KIAA0825: variants seen among roughly 807,000 people sequenced by gnomAD.
KIAA0825 encodes the protein KIAA0825, also known as uncharacterized protein KIAA0825.
Under a neutral mutation model 147.6 loss-of-function variants are expected in KIAA0825, and 119 were observed. The observed-to-expected ratio is 0.81, with a 90% CI of 0.69 to 0.94. KIAA0825 has a LOEUF of 0.94. Among genes scored for constraint, KIAA0825 ranks in the 40% least tolerant of loss-of-function variants. KIAA0825 has a pLI of 0.00. For missense variants in KIAA0825, 1,381 were observed against 1,472.7 expected (o/e 0.94, Z 1.02); for synonymous variants, 470 against 518.1 (o/e 0.91, Z 1.26).
At chr5:94,158,332 T>C (rs754359411) in intron 20 of KIAA0825, among the ~76,000 whole-genome samples, 2 of 152,186 alleles carry the variant, frequency 1.3e-5, no homozygotes, top group Non-Finnish European at 2.9e-5. Flanking sequence ...TTGGACTTTT[T>C]TTGGAGGAAG....
intron 14 of KIAA0825, among the ~76,000 whole-genome samples, chr5:94,431,458 C>A (rs1036502065): frequency 2.6e-5 from 4 of 152,146 alleles, no homozygotes; most frequent in African/African-American, 9.7e-5. Flanking sequence ...CTATCCCTCC[C>A]CTCCTAAAAC....
chr5:94,348,271 T>A (rs1296226235), intron 20 of KIAA0825, among the ~76,000 whole-genome samples: 1 of 151,952 alleles, frequency 6.6e-6, no homozygotes, highest in East Asian at 1.9e-4. Context: ...AACCTAGACA[T>A]CCAAATACAA....
chr5:94,483,376 G>A (rs1338803165), intron 6 of KIAA0825, among the ~76,000 whole-genome samples: 1 of 151,958 alleles, frequency 6.6e-6, no homozygotes, highest in East Asian at 1.9e-4. Context: ...AGATGTAGAT[G>A]AGAGATGACA....
At chr5:94,386,201 G>GA in intron 19 of KIAA0825, 41 bp downstream of exon 19, 2 of 1,510,842 alleles carry the variant, frequency 1.3e-6, no homozygotes, top group Non-Finnish European at 1.8e-6. Context: ...CTTGGGTAAA[G>GA]AAACCACACA....
At chr5:94,497,391 G>A (rs1764509038) in intron 5 of KIAA0825, among the ~76,000 whole-genome samples, 1 of 152,100 alleles carries the variant, frequency 6.6e-6, no homozygotes, top group African/African-American at 2.4e-5. Flanking sequence ...GTTAATGACA[G>A]AAAATAATTA....
intron 5 of KIAA0825, among the ~76,000 whole-genome samples, chr5:94,486,016 T>C (rs1033010810): frequency 2.6e-5 from 4 of 151,882 alleles, no homozygotes; most frequent in Non-Finnish European, 5.9e-5. Context: ...ATAAAATCCC[T>C]TTATACTCTT....
chr5:94,359,341 T>C (rs549148448), intron 20 of KIAA0825, among the ~76,000 whole-genome samples: 4 of 152,336 alleles, frequency 2.6e-5, no homozygotes, highest in African/African-American at 9.6e-5. Flanking sequence ...CTCATGTTTA[T>C]TTTGCTGACC....
At chr5:94,255,924 G>C (rs541451805) in intron 20 of KIAA0825, among the ~76,000 whole-genome samples, 3 of 151,602 alleles carry the variant, frequency 2.0e-5, no homozygotes, top group East Asian at 3.9e-4. Flanking sequence ...ATCTTACCTA[G>C]GCTTGTCTTG....
intron 12 of KIAA0825, among the ~76,000 whole-genome samples, chr5:94,458,091 T>C (rs1056914526): frequency 3.3e-5 from 5 of 152,144 alleles, no homozygotes; most frequent in Admixed American, 6.5e-5. Flanking sequence ...GGCCCTAGAA[T>C]CACAGACAAC....
intron 7 of KIAA0825, among the ~76,000 whole-genome samples, chr5:94,476,412 C>T (rs886149044): frequency 2.6e-5 from 4 of 152,090 alleles, no homozygotes; most frequent in Non-Finnish European, 4.4e-5. Flanking sequence ...CCTGGGGCTA[C>T]CAGTCGAAGC....
At chr5:94,243,179 G>T (rs1026493094) in intron 20 of KIAA0825, among the ~76,000 whole-genome samples, 1 of 152,156 alleles carries the variant, frequency 6.6e-6, no homozygotes, top group African/African-American at 2.4e-5. Flanking sequence ...AATGCCTGGC[G>T]CACAGTGAAT....
chr5:94,530,464 TA>T (rs1409094655), intron 3 of KIAA0825, among the ~76,000 whole-genome samples: 3 of 151,908 alleles, frequency 2.0e-5, no homozygotes, highest in Admixed American at 6.6e-5. Context: ...GAAAAGTCCT[TA>T]AAGTAGAAAA....
rs11956894 is a variant in KIAA0825, at chr5:94,551,797, G to A, written c.-1-14670C>T. 5.6e-3 allele frequency among the ~76,000 whole-genome samples: 847 copies of A among 151,560 alleles called. 1 individual carries two copies. The highest frequency in any genetic ancestry group is 0.01 in the Admixed American group (157 of 15,248). On this transcript the variant is annotated intron_variant, in intron 2 of 20. Transcript: ENST00000682413. ...GAACTCACTGGTAGAAAAGGAGAAA[G>A]AAAAAGGAATCAAACTTTAACACTA...
At chr5:94,252,060 A>G (rs1775990471) in intron 20 of KIAA0825, among the ~76,000 whole-genome samples, 1 of 152,076 alleles carries the variant, frequency 6.6e-6, no homozygotes, top group Admixed American at 6.6e-5. Context: ...TTCACACAAC[A>G]TAGTATAATG....
At chr5:94,383,034 A>G (rs1302481430) in intron 20 of KIAA0825, among the ~76,000 whole-genome samples, 1 of 152,214 alleles carries the variant, frequency 6.6e-6, no homozygotes, top group African/African-American at 2.4e-5. Context: ...TCATGTCACT[A>G]TAGATTCAAT....
At chr5:94,245,172 A>G (rs1198258521) in intron 20 of KIAA0825, among the ~76,000 whole-genome samples, 4 of 152,212 alleles carry the variant, frequency 2.6e-5, no homozygotes, top group Non-Finnish European at 4.4e-5. Flanking sequence ...TACCATGCCC[A>G]TGGCTTACCT....
At chr5:94,398,195 C>T (rs1174358837) in intron 16 of KIAA0825, among the ~76,000 whole-genome samples, 6 of 152,170 alleles carry the variant, frequency 3.9e-5, no homozygotes, top group Non-Finnish European at 8.8e-5. Context: ...AACTATTCTT[C>T]TAACTCATCT....
chr5:94,296,055 C>A (rs1584033881), intron 20 of KIAA0825, among the ~76,000 whole-genome samples: 1 of 152,298 alleles, frequency 6.6e-6, no homozygotes, highest in East Asian at 1.9e-4. Flanking sequence ...GGAATTTTAT[C>A]TATAAGCCAC....
chr5:94,453,049 TC>T lies in KIAA0825; in HGVS notation c.2266del (p.Asp756MetfsTer8). On this transcript the variant is annotated frameshift_variant, in exon 13 of 21. Transcript: ENST00000682413. LOFTEE classifies it high-confidence loss of function. ...ELYKTFQHGLDESASDSLKSF... is the reference protein window; with the variant it reads ...ELYKTFQHGLXESASDSLKSF... ...TTTTAAGGAATCTGAAGCAGACTCATCCAGGCCATGCTGAAAAGTCCTAGGG... is the reference window on the plus strand; with the variant it reads ...TTTTAAGGAATCTGAAGCAGACTCATCAGGCCATGCTGAAAAGTCCTAGGG... The T allele has an allele frequency of 6.6e-7, 1 of 1,522,596 alleles. No individual in the cohort carries two copies. Among genetic ancestry groups the T allele is most frequent in the Non-Finnish European group, 8.8e-7 (1 of 1,135,952 alleles). 94.3% of individuals were successfully genotyped at this position (1,522,596 alleles called of 1,614,324 possible).
Sources: gnomAD v4.1 joint callset for allele counts (sites outside exome capture counted in the v4.1 genomes callset) on GRCh38, gnomAD v4.1.1 for gene constraint, MANE v1.5 for transcripts, NCBI Gene and HGNC (gene_info 2026-07-23, HGNC 2026-07-21) for gene names.